The following PDZD2 variants were observed in gnomAD, a reference collection of about 807,000 sequenced individuals.
The protein encoded by PDZD2 is PDZ domain-containing protein 2.
PDZD2 carries 90 observed loss-of-function variants against 220.7 expected under a neutral mutation model. That is an observed-to-expected ratio of 0.41 (90% CI 0.34 to 0.49). The LOEUF is 0.49. Among genes scored for constraint, PDZD2 ranks in the 20% least tolerant of loss-of-function variants. The pLI is 0.28. For synonymous variants in PDZD2, 1,375 were observed against 1,450.5 expected, an observed-to-expected ratio of 0.95 and a Z score of 1.18; for missense variants, 3,174 against 3,608.5, an observed-to-expected ratio of 0.88 and a Z score of 3.08.
At chr5:31,768,031 C>T (rs559670477) in intron 1 of PDZD2, among the ~76,000 whole-genome samples, 1 of 152,198 alleles carries the variant, frequency 6.6e-6, no homozygotes, top group Non-Finnish European at 1.5e-5. Flanking sequence ...CTCTTCCTTC[C>T]AGGATTGTCA....
chr5:31,855,405 G>T (rs902652378), intron 2 of PDZD2, among the ~76,000 whole-genome samples: 2 of 152,214 alleles, frequency 1.3e-5, no homozygotes, highest in African/African-American at 4.8e-5. Context: ...AAGTGACTTG[G>T]AGCTGGTTTG....
intron 6 of PDZD2, among the ~76,000 whole-genome samples, chr5:32,019,866 G>T (rs986605218): frequency 2.6e-4 from 39 of 152,090 alleles, no homozygotes; most frequent in Middle Eastern, 3.4e-3. Flanking sequence ...CTCACGGGAG[G>T]TAAGTTTCTT....
intron 6 of PDZD2, among the ~76,000 whole-genome samples, chr5:32,017,250 A>G (rs919051035): frequency 6.6e-6 from 1 of 152,218 alleles, no homozygotes; most frequent in Non-Finnish European, 1.5e-5. Flanking sequence ...CAGCCTGGCC[A>G]ATACGGCAAA....
intron 2 of PDZD2, among the ~76,000 whole-genome samples, chr5:31,811,967 G>C (rs1250344355): frequency 6.6e-6 from 1 of 151,464 alleles, no homozygotes; most frequent in Admixed American, 6.6e-5. Context: ...TCCAGTCTGG[G>C]CAAGAGAGTG....
chr5:32,093,053 A>G (rs774062005), intron 21 of PDZD2, 29 bp downstream of exon 21: 17 of 1,208,508 alleles, frequency 1.4e-5, no homozygotes, highest in East Asian at 2.3e-5. Context: ...GCTCAGGAAC[A>G]TGAATTGCGG....
chr5:31,809,710 G>A (rs553462189), intron 2 of PDZD2, among the ~76,000 whole-genome samples: 24 of 152,300 alleles, frequency 1.6e-4, no homozygotes, highest in South Asian at 1.4e-3. Context: ...CACACCCTCC[G>A]TCGCAGCCCA....
chr5:32,062,215 G>A (rs906027051), intron 14 of PDZD2, among the ~76,000 whole-genome samples: 2 of 152,104 alleles, frequency 1.3e-5, no homozygotes, highest in Non-Finnish European at 2.9e-5. Context: ...ATGAAATCTG[G>A]CTTTGCAGAC....
At chr5:31,695,028 G>A (rs1747320687) in intron 1 of PDZD2, among the ~76,000 whole-genome samples, 1 of 152,060 alleles carries the variant, frequency 6.6e-6, no homozygotes, top group African/African-American at 2.4e-5. Context: ...GGAGGCTGCG[G>A]CAGGAGAATT....
intron 6 of PDZD2, among the ~76,000 whole-genome samples, chr5:32,032,943 C>T (rs931212098): frequency 9.2e-5 from 14 of 152,164 alleles, no homozygotes; most frequent in Non-Finnish European, 1.2e-4. Context: ...GTGTATGTTA[C>T]AGGTGTGGAA....
chr5:31,877,976 A>G (rs1365977448), intron 2 of PDZD2, among the ~76,000 whole-genome samples: 3 of 152,118 alleles, frequency 2.0e-5, no homozygotes, highest in African/African-American at 7.2e-5. Flanking sequence ...GGCGTGAGCC[A>G]CCACGCCTGG....
chr5:31,704,168 A>T (rs1400394598), intron 1 of PDZD2, among the ~76,000 whole-genome samples: 2 of 152,058 alleles, frequency 1.3e-5, no homozygotes, highest in Non-Finnish European at 2.9e-5. Flanking sequence ...ATGCACTGTC[A>T]TGTCCAGCTA....
chr5:32,074,285 C>G lies in PDZD2; in HGVS notation c.3179C>G (p.Thr1060Arg). 6.2e-7 allele frequency: 1 copy of G among 1,614,138 alleles called. No homozygotes were observed. The highest frequency in any genetic ancestry group is 8.5e-7 in the Non-Finnish European group (1 of 1,179,976). Residue 1060 changes from threonine to arginine, a missense_variant, in exon 18 of 25, where the codon ACG becomes AGG. By Grantham distance (71) the Thr-to-Arg change is moderately conservative. This residue lies in a region of PDZD2 where 1,861 missense variants were observed against 2,001.0 expected (regional missense o/e 0.93). Transcript: ENST00000438447. Reference protein sequence around the residue: ...VDAASYAANLTDSAEAPKGSP... With the variant: ...VDAASYAANLRDSAEAPKGSP... ...GCTGCGTCCTATGCAGCCAACCTCA[C>G]GGACTCTGCAGAGGCCCCCAAGGGG...
rs1285341902 is a variant in PDZD2, at chr5:32,010,543, C to A, written c.1407+61C>A. ...TTACTTTTTTCTGAAGTCCTGGGCG[C>A]CAGGATTAGGGGATAAATGCTTGAG... is the stretch of plus-strand genomic sequence containing the variant. On this transcript the variant is annotated intron_variant, in intron 6 of 24. Transcript: ENST00000438447. 4 of 1,229,242 alleles carry A rather than the reference C, an allele frequency of 3.3e-6. No individual in the cohort carries two copies. The African/African-American group carries it at 4.5e-5, about 14-fold the overall frequency. The allele number at this position is 1,229,242 out of a possible 1,614,324, so 76.1% of individuals were successfully genotyped here.
At chr5:31,724,101 G>A (rs936383354) in intron 1 of PDZD2, among the ~76,000 whole-genome samples, 4 of 152,114 alleles carry the variant, frequency 2.6e-5, no homozygotes, top group Admixed American at 6.5e-5. Context: ...TCTAACAGCT[G>A]TAAAAAAACT....
chr5:31,965,876 G>A (rs1581174231), intron 2 of PDZD2, among the ~76,000 whole-genome samples: 1 of 152,052 alleles, frequency 6.6e-6, no homozygotes, highest in East Asian at 1.9e-4. Flanking sequence ...TCCAGCCTGG[G>A]CAAGAGTGAA....
Position 31,910,944 on chromosome 5 carries a change from C to T in PDZD2, c.477-72211C>T, listed in dbSNP as rs116275913. Among the ~76,000 whole-genome samples, 572 of 152,192 alleles carry T rather than the reference C, an allele frequency of 3.8e-3. 6 individuals are homozygous for T. The highest frequency in any genetic ancestry group is 0.013 in the African/African-American group (554 of 41,540). ...AATTTAATATTAAATTGATTTCCCC[C>T]CTTTATTTTAAACCAGTTCTGTTTA... is the stretch of plus-strand genomic sequence containing the variant. On this transcript the variant is annotated intron_variant, in intron 2 of 24. Transcript: ENST00000438447.
chr5:31,881,592 G>A (rs1739930936), intron 2 of PDZD2, among the ~76,000 whole-genome samples: 1 of 151,716 alleles, frequency 6.6e-6, no homozygotes, highest in Admixed American at 6.6e-5. Flanking sequence ...TGGCCAGACT[G>A]GTCTCAAACT....
chr5:31,691,646 T>C (rs995218726), intron 1 of PDZD2, among the ~76,000 whole-genome samples: 35 of 152,160 alleles, frequency 2.3e-4, no homozygotes, highest in Non-Finnish European at 4.6e-4. Flanking sequence ...CAGTGGTCTG[T>C]TTTGACAGGG....
At chr5:32,042,520 C>T (rs1299001273) in intron 7 of PDZD2, among the ~76,000 whole-genome samples, 1 of 152,124 alleles carries the variant, frequency 6.6e-6, no homozygotes, top group Non-Finnish European at 1.5e-5. Context: ...TTGCAGTGAA[C>T]CAAGATTGCG....
Sources: gnomAD v4.1 joint callset for allele counts (sites outside exome capture counted in the v4.1 genomes callset) on GRCh38, gnomAD v4.1.1 for gene constraint, gnomAD v4.1.1 regional missense constraint, MANE v1.5 for transcripts, NCBI Gene and HGNC (gene_info 2026-07-23, HGNC 2026-07-21) for gene names.